The following ARMC2 variants were observed in gnomAD, a reference collection of about 807,000 sequenced individuals.
ARMC2 encodes armadillo repeat-containing protein 2.
A neutral mutation model predicts 90.3 loss-of-function variants in ARMC2; 67 were observed. That is an observed-to-expected ratio of 0.74 (90% CI 0.61 to 0.91). ARMC2 has a LOEUF of 0.91. Ranked by LOEUF, ARMC2 falls within the 40% of genes least tolerant of loss-of-function variation. The pLI, the probability that ARMC2 is intolerant of heterozygous loss-of-function variation, is 0.00. For synonymous variants in ARMC2, 393 were observed against 393.0 expected, an observed-to-expected ratio of 1.00 and a Z score of 0.00; for missense variants, 920 against 1,030.9, an observed-to-expected ratio of 0.89 and a Z score of 1.47.
At chr6:108,859,084 G>C (rs1200367246) in intron 3 of ARMC2, among the ~76,000 whole-genome samples, 1 of 152,072 alleles carries the variant, frequency 6.6e-6, no homozygotes, top group African/African-American at 2.4e-5. Flanking sequence ...CTCCTTTCCT[G>C]TACCACTTTT....
chr6:108,918,496 T>TTA (rs1199942370), intron 10 of ARMC2, among the ~76,000 whole-genome samples: 9 of 150,178 alleles, frequency 6.0e-5, no homozygotes, highest in Middle Eastern at 3.4e-3. Flanking sequence ...TTTTTTTTTT[T>TTA]AAATTTCTGA....
At chr6:108,978,821 G>A (rs189971455), downstream of ARMC2, among the ~76,000 whole-genome samples, 114 of 148,904 alleles carry the variant, frequency 7.7e-4, no homozygotes, top group African/African-American at 2.6e-3. Flanking sequence ...TGCAACCCCT[G>A]CTTTTTTTTT....
intron 10 of ARMC2, among the ~76,000 whole-genome samples, chr6:108,918,659 A>G (rs979438904): frequency 1.3e-5 from 2 of 152,108 alleles, no homozygotes; most frequent in Admixed American, 6.5e-5. Flanking sequence ...ATAGCACCGC[A>G]CTGGAGCCCC....
In ARMC2 at chr6:108,873,083, A is replaced by G. The variant is rs369201851; in HGVS notation, c.464-3060A>G. Among the ~76,000 whole-genome samples, 29 of 152,308 alleles carry G rather than the reference A, an allele frequency of 1.9e-4. 1 individual carries two copies. Among genetic ancestry groups the G allele is most frequent in the African/African-American group, 6.0e-4 (25 of 41,562 alleles). On this transcript the variant is annotated intron_variant, in intron 4 of 17. Transcript: ENST00000392644. ...GCAAACTTTTTCTGTAAAGGGCCAGATAGTCAATATTTTAGACCTGGTCCT... is the reference window on the plus strand; with the variant it reads ...GCAAACTTTTTCTGTAAAGGGCCAGGTAGTCAATATTTTAGACCTGGTCCT...
At chr6:109,032,636 A>G in the ARMC2 span, among the ~76,000 whole-genome samples, 3 of 150,890 alleles carry the variant, frequency 2.0e-5, no homozygotes, top group African/African-American at 2.4e-5. Flanking sequence ...AGTGGGGGGG[A>G]AGAGAAAAGG....
the ARMC2 span, chr6:108,988,667 CCATAGT>C: frequency 6.2e-7 from 1 of 1,608,868 alleles, no homozygotes; most frequent in Non-Finnish European, 8.5e-7. Flanking sequence ...GTTAATTTCA[CCATAGT>C]CATAATCATC....
At chr6:108,885,706 G>A (rs931096576) in intron 5 of ARMC2, among the ~76,000 whole-genome samples, 1 of 151,876 alleles carries the variant, frequency 6.6e-6, no homozygotes, top group African/African-American at 2.4e-5. Flanking sequence ...AAAAGAAAAA[G>A]TGATAATCTG....
intron 5 of ARMC2, among the ~76,000 whole-genome samples, chr6:108,893,154 A>G (rs529234669): frequency 5.3e-4 from 81 of 152,346 alleles, no homozygotes; most frequent in Middle Eastern, 6.8e-3. Flanking sequence ...ATTAAATAAA[A>G]CTTTTTAAAA....
chr6:108,904,358 G>A lies in ARMC2; in HGVS notation c.976G>A (p.Val326Ile), dbSNP rs1379919659. ...LLKTLCKLVD[V>I]GSDSLSLKLA... Reference sequence around the variant, plus strand: ...GAAGACCCTGTGTAAACTAGTTGATGTTGGTTCAGACTCGCTCAGCCTTAA... The same window carrying A: ...GAAGACCCTGTGTAAACTAGTTGATATTGGTTCAGACTCGCTCAGCCTTAA... The change falls in exon 8 of 18, where the codon GTT (valine) becomes ATT (isoleucine). Residue 326 changes from valine (V) to isoleucine (I), a missense_variant. Physicochemically the swap from Val to Ile is conservative, Grantham distance 29. Transcript: ENST00000392644. 1 of 1,612,584 alleles carries A rather than the reference G, an allele frequency of 6.2e-7. No individual in the cohort carries two copies. Among genetic ancestry groups the A allele is most frequent in the Admixed American group, 1.7e-5 (1 of 59,458 alleles).
At chr6:108,919,192 T>C (rs563680993) in intron 10 of ARMC2, among the ~76,000 whole-genome samples, 1 of 152,330 alleles carries the variant, frequency 6.6e-6, no homozygotes, top group African/African-American at 2.4e-5. Flanking sequence ...TTATTATTAG[T>C]AATGAAGGTT....
intron 10 of ARMC2, among the ~76,000 whole-genome samples, chr6:108,927,622 G>T (rs748822443): frequency 3.3e-5 from 5 of 150,280 alleles, no homozygotes; most frequent in African/African-American, 4.9e-5. Context: ...TGAGACTAAA[G>T]ATCTTAAATA....
At chr6:108,917,051 T>A (rs1756619473) in intron 10 of ARMC2, among the ~76,000 whole-genome samples, 1 of 152,240 alleles carries the variant, frequency 6.6e-6, no homozygotes, top group South Asian at 2.1e-4. Context: ...AAGCTCAGAT[T>A]GACTTGAACT....
At chr6:108,909,428 G>A (rs1039151212) in intron 8 of ARMC2, among the ~76,000 whole-genome samples, 21 of 150,012 alleles carry the variant, frequency 1.4e-4, no homozygotes, top group African/African-American at 3.2e-4. Flanking sequence ...ATTTGATTCC[G>A]TCAGTAATCC....
chr6:108,874,665 A>G (rs1161873025), intron 4 of ARMC2, among the ~76,000 whole-genome samples: 2 of 152,146 alleles, frequency 1.3e-5, no homozygotes, highest in South Asian at 2.1e-4. Context: ...GGTGGGGACC[A>G]TGGAAGGTGG....
Position 108,855,441 on chromosome 6 carries a change from C to T in ARMC2, c.218+956C>T, listed in dbSNP as rs368610087. On this transcript the variant is annotated intron_variant, in intron 2 of 17. Coordinates refer to ENST00000392644, the MANE Select transcript of ARMC2 (RefSeq NM_032131.6). ...TTTTTTTGTGTGTTTTTAGTAGAGA[C>T]GGGGTTTCACCATGTTTGCCAGGAT... Among the ~76,000 whole-genome samples the T allele has an allele frequency of 2.2e-4, 34 of 151,994 alleles. 1 individual carries two copies. In the East Asian group the frequency reaches 4.3e-3, roughly 19 times the overall value.
chr6:108,878,018 AT>A lies in ARMC2; in HGVS notation c.671+1674del, dbSNP rs528951425. Among the ~76,000 whole-genome samples the A allele has an allele frequency of 4.2e-3, 636 of 152,238 alleles. 3 individuals carry two copies. Among genetic ancestry groups the A allele is most frequent in the African/African-American group, 0.014 (596 of 41,528 alleles). On this transcript the variant is annotated intron_variant, in intron 5 of 17. Transcript: ENST00000392644. Reference sequence around the variant, plus strand: ...CCTGGCAAGGTTAACTTTCAGTAACATTTTTTGCTTTATGAATCTTTACCTC... The same window carrying A: ...CCTGGCAAGGTTAACTTTCAGTAACATTTTTGCTTTATGAATCTTTACCTC...
rs536130719 is a variant in ARMC2, at chr6:108,912,123, C to T, written c.1127-212C>T. Among the ~76,000 whole-genome samples, 5 of 152,234 alleles carry T rather than the reference C, an allele frequency of 3.3e-5. No homozygotes were observed. The South Asian group carries it at 8.3e-4, about 25-fold the overall frequency. On this transcript the variant is annotated intron_variant, in intron 9 of 17. Coordinates refer to ENST00000392644, the MANE Select transcript of ARMC2 (RefSeq NM_032131.6). ...ACTTTCTCATTTATTTATTAACAATCCCATCCTTCTGCTGAAATTACTATT... is the reference window on the plus strand; with the variant it reads ...ACTTTCTCATTTATTTATTAACAATTCCATCCTTCTGCTGAAATTACTATT...
chr6:108,910,268 A>C (rs542501082), intron 8 of ARMC2, among the ~76,000 whole-genome samples: 164 of 152,266 alleles, frequency 1.1e-3, no homozygotes, highest in Middle Eastern at 3.4e-3. Context: ...GTTCGAGACC[A>C]GCCTGGGCAA....
rs753022550 is a variant in ARMC2, at chr6:108,973,573, G to C, written c.*59G>C. 2.5e-5 allele frequency: 36 copies of C among 1,443,208 alleles called. No individual in the cohort carries two copies. The highest frequency in any genetic ancestry group is 3.3e-5 in the Non-Finnish European group (35 of 1,076,866). The allele number at this position is 1,443,208 out of a possible 1,614,324, so 89.4% of individuals were successfully genotyped here. On this transcript the variant is annotated 3_prime_UTR_variant, in exon 18 of 18. Coordinates refer to ENST00000392644, the MANE Select transcript of ARMC2 (RefSeq NM_032131.6). ...ACGTCTCCCTCATTCTTAAGAACTG[G>C]TAACAAACGTGAACATTTTTTTCAG...
Sources: allele counts gnomAD v4.1 joint callset (sites outside exome capture counted in the v4.1 genomes callset), GRCh38; gene constraint gnomAD v4.1.1; transcripts MANE v1.5; gene names NCBI Gene and HGNC (gene_info 2026-07-23, HGNC 2026-07-21).